Variants in ABCA8 observed in about 807,000 individuals in gnomAD.
The protein encoded by ABCA8 is ATP binding cassette subfamily A member 8, also known as ABC-type organic anion transporter ABCA8.
In ABCA8, 177 loss-of-function variants were observed where a neutral mutation model predicts 192.3. The ratio of observed to expected loss-of-function variants is 0.92; its 90% CI spans 0.81 to 1.04. ABCA8 has a LOEUF of 1.04. Ranked by LOEUF, ABCA8 falls within the 50% of genes least tolerant of loss-of-function variation. ABCA8 has a pLI of 0.00. For synonymous variants in ABCA8, 642 were observed against 690.2 expected (o/e 0.93, Z 1.09); for missense variants, 1,915 against 1,904.8 (o/e 1.01, Z -0.10).
chr17:68,942,062 A>C (rs1052190327), intron 2 of ABCA8, 23 bp from the exon 3 acceptor site: 1 of 1,531,606 alleles, frequency 6.5e-7, no homozygotes, highest in African/African-American at 1.4e-5. Context: ...AAAAGAAAGA[A>C]GATAAAATTA....
At chr17:68,917,041 G>A (rs1297282044) in intron 17 of ABCA8, among the ~76,000 whole-genome samples, 4 of 152,024 alleles carry the variant, frequency 2.6e-5, no homozygotes, top group East Asian at 1.9e-4. Flanking sequence ...AGGCCGAGGC[G>A]GGCGGATCAC....
At position 68,876,710 on chromosome 17, in the gene ABCA8, G is replaced by A. The variant is rs139632682; in HGVS notation, c.4200-7C>T. The A allele has an allele frequency of 3.1e-6, 5 of 1,614,130 alleles. No homozygotes were observed. Among genetic ancestry groups the A allele is most frequent in the African/African-American group, 2.7e-5 (2 of 75,038 alleles). On this transcript the variant is annotated splice_region_variant and splice_polypyrimidine_tract_variant and intron_variant, in intron 33 of 39. Coordinates refer to ENST00000586539, the MANE Select transcript of ABCA8 (RefSeq NM_001288985.2). ...CTTGAGCGCATCCACTAACCTGAAG[G>A]AAACAGGAGAGTCGTACAGTCTTCT...
chr17:68,931,871 C>T (rs557837714), intron 7 of ABCA8: 3 of 142,534 alleles, frequency 2.1e-5, no homozygotes, highest in Non-Finnish European at 2.9e-5. Context: ...GTGTAGGTAT[C>T]TCTCATTTGT....
chr17:68,902,010 T>A (rs1450253435), intron 21 of ABCA8, among the ~76,000 whole-genome samples: 1 of 152,190 alleles, frequency 6.6e-6, no homozygotes, highest in East Asian at 1.9e-4. Flanking sequence ...TGTAGCAGCA[T>A]TTTTCGTAAT....
At chr17:68,913,234 G>A (rs1283454014) in intron 17 of ABCA8, among the ~76,000 whole-genome samples, 1 of 151,934 alleles carries the variant, frequency 6.6e-6, no homozygotes, top group Non-Finnish European at 1.5e-5. Context: ...CAAAACCTAT[G>A]GAATACGGTG....
chr17:68,941,873 GA>G, intron 3 of ABCA8, 65 bp downstream of exon 3: 1 of 1,151,212 alleles, frequency 8.7e-7, no homozygotes. Flanking sequence ...ACATGGCATA[GA>G]TAACTCCCAG....
intron 17 of ABCA8, among the ~76,000 whole-genome samples, chr17:68,912,032 C>T (rs2067238144): frequency 6.6e-6 from 1 of 152,068 alleles, no homozygotes; most frequent in South Asian, 2.1e-4. Flanking sequence ...CATTAAATAC[C>T]TAACTCCTCA....
chr17:68,912,602 A>G (rs1366533677), intron 17 of ABCA8, among the ~76,000 whole-genome samples: 3 of 152,182 alleles, frequency 2.0e-5, no homozygotes, highest in Non-Finnish European at 4.4e-5. Flanking sequence ...ATATCTTTAT[A>G]TTAGACAAAA....
Position 68,894,159 on chromosome 17 carries a change from T to C in ABCA8, c.3036+14A>G, listed in dbSNP as rs753768286. 5.6e-6 allele frequency: 9 copies of C among 1,611,822 alleles called. No individual in the cohort carries two copies. Among genetic ancestry groups the C allele is most frequent in the Non-Finnish European group, 6.8e-6 (8 of 1,178,742 alleles). On this transcript the variant is annotated intron_variant, in intron 23 of 39. Transcript: ENST00000586539. ...TAGAGGAGAGTCAGGAATTGTAAGATTATATATATTTACCTCCAAAAATGT... is the reference window on the plus strand; with the variant it reads ...TAGAGGAGAGTCAGGAATTGTAAGACTATATATATTTACCTCCAAAAATGT...
intron 26 of ABCA8, 21 bp from the exon 27 acceptor site, chr17:68,885,336 G>A (rs2143321565): frequency 6.3e-7 from 1 of 1,586,602 alleles, no homozygotes; most frequent in East Asian, 2.3e-5. Flanking sequence ...CAAATATGAA[G>A]GTTAATCACT....
At chr17:68,932,746 A>G (rs1055912484) in intron 6 of ABCA8, among the ~76,000 whole-genome samples, 14 of 152,296 alleles carry the variant, frequency 9.2e-5, no homozygotes, top group African/African-American at 2.9e-4. Context: ...CCTGCCTAAC[A>G]TTACTTTATG....
chr17:68,877,831 G>T, intron 32 of ABCA8, 152 bp from the exon 33 acceptor site: 1 of 755,120 alleles, frequency 1.3e-6, no homozygotes, highest in Non-Finnish European at 1.9e-6. Flanking sequence ...ATTGGAGAAA[G>T]GTTGTCAGAG....
chr17:68,915,480 T>A (rs2067331505), intron 17 of ABCA8, among the ~76,000 whole-genome samples: 1 of 152,150 alleles, frequency 6.6e-6, no homozygotes. Context: ...GAATAGATAG[T>A]TCCCAAAAGA....
At chr17:68,872,975 G>A (rs1287672924) in intron 37 of ABCA8, among the ~76,000 whole-genome samples, 1 of 152,092 alleles carries the variant, frequency 6.6e-6, no homozygotes, top group Admixed American at 6.5e-5. Context: ...GAACACTAAG[G>A]TTAATTTATT....
intron 2 of ABCA8, among the ~76,000 whole-genome samples, chr17:68,946,305 A>G (rs1222996923): frequency 6.6e-6 from 1 of 151,992 alleles, no homozygotes; most frequent in African/African-American, 2.4e-5. Flanking sequence ...TGACCTCATG[A>G]TCTGCCCACG....
chr17:68,921,827 G>T (rs1470038392), intron 12 of ABCA8, among the ~76,000 whole-genome samples: 1 of 151,966 alleles, frequency 6.6e-6, no homozygotes, highest in African/African-American at 2.4e-5. Flanking sequence ...TTAATAGTAA[G>T]TTATTACATG....
At chr17:68,890,787 G>A (rs141790577) in intron 24 of ABCA8, among the ~76,000 whole-genome samples, 29 of 152,328 alleles carry the variant, frequency 1.9e-4, no homozygotes, top group Non-Finnish European at 3.8e-4. Context: ...CCAAAGTGCT[G>A]AGATTACAGG....
In ABCA8 at chr17:68,867,335, C is replaced by T. The variant is rs2065946177; in HGVS notation, c.*750G>A. On this transcript the variant is annotated 3_prime_UTR_variant, in exon 40 of 40. Transcript: ENST00000586539. The stretch of plus-strand genomic sequence containing the variant: ...ATTTATTTCACATTTTCTACCTACT[C>T]AGTCATGTGAGCTGTTGCTACATTT... The T allele has an allele frequency of 6.6e-6, 1 of 152,142 alleles. No homozygotes were observed. The highest frequency in any genetic ancestry group is 1.5e-5 in the Non-Finnish European group (1 of 68,020). 9.4% of individuals were successfully genotyped at this position (152,142 alleles called of 1,614,324 possible).
chr17:68,884,560 A>G (rs933782796), intron 27 of ABCA8, 164 bp from the exon 28 acceptor site: 7 of 1,330,466 alleles, frequency 5.3e-6, no homozygotes, highest in Non-Finnish European at 6.7e-6. Flanking sequence ...CCTTCCTCCC[A>G]AGGTCTATGA....
Sources: allele counts gnomAD v4.1 joint callset (sites outside exome capture counted in the v4.1 genomes callset), GRCh38; gene constraint gnomAD v4.1.1; transcripts MANE v1.5; gene names NCBI Gene and HGNC (gene_info 2026-07-23, HGNC 2026-07-21).